The following NOL10 variants were observed in gnomAD, a reference collection of about 807,000 sequenced individuals.
The protein encoded by NOL10 is H_NH0074G24.1.
NOL10 carries 58 observed loss-of-function variants against 103.5 expected under a neutral mutation model. The ratio of observed to expected loss-of-function variants is 0.56; its 90% CI spans 0.45 to 0.70. NOL10 has a LOEUF of 0.70. Ranked by LOEUF, NOL10 falls within the 30% of genes least tolerant of loss-of-function variation. The pLI is 0.00. For synonymous variants in NOL10, 287 were observed against 282.5 expected (o/e 1.02, Z -0.16); for missense variants, 763 against 807.3 (o/e 0.95, Z 0.67).
chr2:10,592,505 ATG>A lies in NOL10; in HGVS notation c.1423-2756_1423-2755del, dbSNP rs1318424062. The stretch of plus-strand genomic sequence containing the variant: ...ATGTCTCAGGAGAAGGGAGGGGGCT[ATG>A]ATGTAAATTTTGGAGTTATCTGTAG... On this transcript the variant is annotated intron_variant, in intron 17 of 20. Coordinates refer to ENST00000381685, the MANE Select transcript of NOL10 (RefSeq NM_024894.4). Among the ~76,000 whole-genome samples the A allele has an allele frequency of 3.3e-5, 5 of 152,328 alleles. No homozygotes were observed. In the South Asian group the frequency reaches 1.0e-3, roughly 32 times the overall value.
intron 9 of NOL10, 40 bp from the exon 10 acceptor site, chr2:10,659,290 A>G (rs376657174): frequency 1.9e-6 from 2 of 1,054,154 alleles, no homozygotes; most frequent in South Asian, 1.3e-5. Flanking sequence ...ATATACGGCC[A>G]AACCTCCTTC....
intron 13 of NOL10, among the ~76,000 whole-genome samples, chr2:10,628,425 C>T (rs1465805789): frequency 6.6e-6 from 1 of 152,190 alleles, no homozygotes; most frequent in Non-Finnish European, 1.5e-5. Flanking sequence ...CAACAGAGCT[C>T]TTTTTGTTAT....
chr2:10,584,023 T>C (rs960019524), intron 19 of NOL10, among the ~76,000 whole-genome samples: 7 of 152,180 alleles, frequency 4.6e-5, no homozygotes, highest in Non-Finnish European at 2.9e-5. Flanking sequence ...CGGCTACCCC[T>C]TCAGGCACCC....
chr2:10,600,079 T>C (rs1254207483), intron 17 of NOL10, among the ~76,000 whole-genome samples: 3 of 152,044 alleles, frequency 2.0e-5, no homozygotes, highest in Non-Finnish European at 4.4e-5. Context: ...CCTTACTCAT[T>C]AGGTTCTGCA....
chr2:10,628,524 T>G (rs1189850903), intron 13 of NOL10, among the ~76,000 whole-genome samples: 1 of 152,196 alleles, frequency 6.6e-6, no homozygotes, highest in African/African-American at 2.4e-5. Flanking sequence ...TCCATTGCAT[T>G]AAATATTTCT....
At chr2:10,650,330 A>AT (rs1679378803) in intron 12 of NOL10, among the ~76,000 whole-genome samples, 3 of 151,260 alleles carry the variant, frequency 2.0e-5, no homozygotes, top group Admixed American at 6.6e-5. Context: ...CTTCCTGCTA[A>AT]TTTTTTTTAT....
chr2:10,603,083 G>C lies in NOL10; in HGVS notation c.1228C>G (p.His410Asp). Residue 410 changes from histidine (H) to aspartate (D), a missense_variant, in exon 15 of 21, where the codon CAC becomes GAC. Physicochemically the swap from His to Asp is moderately conservative, Grantham distance 81. Transcript: ENST00000381685. ...HGFFMDIRLYHKVKLMVNPFA... is the reference protein window; with the variant it reads ...HGFFMDIRLYDKVKLMVNPFA... ...AACTGTAGTTTTCTGTTTACCTTGT[G>C]ATAGAGTCTTATATCCATGAAAAAC... is the stretch of plus-strand genomic sequence containing the variant. 1 of 1,605,748 alleles carries C rather than the reference G, an allele frequency of 6.2e-7. No homozygotes were observed. The highest frequency in any genetic ancestry group is 8.5e-7 in the Non-Finnish European group (1 of 1,174,890).
intron 17 of NOL10, among the ~76,000 whole-genome samples, chr2:10,597,968 C>T (rs1229334587): frequency 6.6e-6 from 1 of 152,060 alleles, no homozygotes; most frequent in African/African-American, 2.4e-5. Flanking sequence ...GAATATGTAG[C>T]AACAAAATGA....
intron 13 of NOL10, among the ~76,000 whole-genome samples, chr2:10,630,974 C>T (rs1398978883): frequency 6.6e-6 from 1 of 152,192 alleles, no homozygotes; most frequent in East Asian, 1.9e-4. Flanking sequence ...CTGACACTAC[C>T]TTCCCAAACA....
At chr2:10,669,721 GTC>G (rs1452618200) in intron 6 of NOL10, among the ~76,000 whole-genome samples, 1 of 151,108 alleles carries the variant, frequency 6.6e-6, no homozygotes, top group Non-Finnish European at 1.5e-5. Flanking sequence ...GTGAAACCCT[GTC>G]TCTACTAAAA....
chr2:10,684,221 A>G (rs1188047387), intron 2 of NOL10, among the ~76,000 whole-genome samples: 1 of 151,392 alleles, frequency 6.6e-6, no homozygotes, highest in African/African-American at 2.4e-5. Context: ...GGTTGCAGTG[A>G]GCCGAGGTCA....
At chr2:10,679,860 A>G (rs747769993) in intron 3 of NOL10, among the ~76,000 whole-genome samples, 50 of 152,254 alleles carry the variant, frequency 3.3e-4, no homozygotes, top group East Asian at 3.9e-4. Context: ...GCCTCATGCA[A>G]TCTGACTGCC....
At chr2:10,638,756 G>A (rs1161845853) in intron 13 of NOL10, among the ~76,000 whole-genome samples, 1 of 142,734 alleles carries the variant, frequency 7.0e-6, no homozygotes, top group Admixed American at 7.1e-5. Context: ...CTCCCAAAGT[G>A]CTGGGATTAC....
At position 10,660,938 on chromosome 2, in the gene NOL10, TA is replaced by T. The variant is rs201143409; in HGVS notation, c.678-1689del. On this transcript the variant is annotated intron_variant, in intron 9 of 20. Coordinates refer to ENST00000381685, the MANE Select transcript of NOL10 (RefSeq NM_024894.4). ...AACAAACAAAAAAAAAGCAAAGCAT[TA>T]AAAAAAAAAAAAGTAAAATTACCTA... is the stretch of plus-strand genomic sequence containing the variant. Among the ~76,000 whole-genome samples the T allele has an allele frequency of 2.6e-3, 351 of 137,624 alleles. 1 individual carries two copies. In the East Asian group the frequency reaches 0.027, roughly 10 times the overall value. The allele number at this position is 137,624 out of a possible 152,430, so 90.3% of individuals were successfully genotyped here. A position where few individuals can be genotyped will look rare whatever the true frequency, so the allele number is the denominator to read the frequency against.
intron 4 of NOL10, among the ~76,000 whole-genome samples, chr2:10,675,376 A>C (rs1681233949): frequency 6.6e-6 from 1 of 151,970 alleles, no homozygotes; most frequent in Non-Finnish European, 1.5e-5. Context: ...CAATCCTATA[A>C]CCACAACAAA....
intron 11 of NOL10, among the ~76,000 whole-genome samples, chr2:10,656,455 A>G (rs1032247333): frequency 6.6e-6 from 1 of 152,252 alleles, no homozygotes; most frequent in Admixed American, 6.5e-5. Context: ...CAAAGTCACC[A>G]GAACCTATGA....
intron 8 of NOL10, among the ~76,000 whole-genome samples, chr2:10,665,931 T>C (rs1336231596): frequency 1.3e-5 from 2 of 152,230 alleles, no homozygotes; most frequent in African/African-American, 4.8e-5. Context: ...TGCAGGTTTG[T>C]TACACTGGTA....
At chr2:10,603,957 C>T (rs1676117620) in intron 14 of NOL10, among the ~76,000 whole-genome samples, 1 of 152,198 alleles carries the variant, frequency 6.6e-6, no homozygotes, top group African/African-American at 2.4e-5. Context: ...ACCTTTTTGG[C>T]ACCAGGGACT....
chr2:10,670,992 T>G (rs1572417826), intron 6 of NOL10, among the ~76,000 whole-genome samples: 2 of 152,328 alleles, frequency 1.3e-5, no homozygotes, highest in East Asian at 3.9e-4. Flanking sequence ...TTTTGTCATT[T>G]CATGCAAATC....
Sources: allele counts gnomAD v4.1 joint callset (sites outside exome capture counted in the v4.1 genomes callset), GRCh38; gene constraint gnomAD v4.1.1; transcripts MANE v1.5; gene names NCBI Gene and HGNC (gene_info 2026-07-23, HGNC 2026-07-21).